Variants in OPCML observed in about 807,000 individuals in gnomAD.
OPCML encodes opioid binding protein/cell adhesion molecule like.
In OPCML, 13 loss-of-function variants were observed where a neutral mutation model predicts 37.8. The ratio of observed to expected loss-of-function variants is 0.34; its 90% CI spans 0.22 to 0.55. OPCML has a LOEUF of 0.55. Among genes scored for constraint, OPCML ranks in the 20% least tolerant of loss-of-function variants. The pLI is 0.91. For synonymous variants in OPCML, 176 were observed against 168.8 expected, an observed-to-expected ratio of 1.04 and a Z score of -0.33; for missense variants, 341 against 435.6, an observed-to-expected ratio of 0.78 and a Z score of 1.93.
chr11:132,428,119 T>C (rs1359828521), intron 7 of OPCML, among the ~76,000 whole-genome samples: 1 of 152,198 alleles, frequency 6.6e-6, no homozygotes, highest in Non-Finnish European at 1.5e-5. Flanking sequence ...AGAATTGGAA[T>C]ATGTGGTATA....
chr11:133,528,274 C>T (rs769717293), intron 1 of OPCML, among the ~76,000 whole-genome samples: 2 of 152,206 alleles, frequency 1.3e-5, no homozygotes, highest in African/African-American at 2.4e-5. Context: ...ATGCAGATGA[C>T]GCAGTCTAAC....
chr11:133,099,811 A>G (rs1329953873), intron 1 of OPCML, among the ~76,000 whole-genome samples: 2 of 152,070 alleles, frequency 1.3e-5, no homozygotes, highest in East Asian at 1.9e-4. Context: ...TAGATTCTGG[A>G]TATCAGCCCT....
intron 3 of OPCML, among the ~76,000 whole-genome samples, chr11:132,548,920 C>G (rs1241449755): frequency 6.6e-6 from 1 of 152,124 alleles, no homozygotes; most frequent in African/African-American, 2.4e-5. Context: ...TACAAAGAGA[C>G]AATATTATCC....
At position 133,172,517 on chromosome 11, in the gene OPCML, G is replaced by A. The variant is rs775384602; in HGVS notation, c.62-229507C>T. Among the ~76,000 whole-genome samples the A allele has an allele frequency of 2.5e-4, 38 of 152,250 alleles. 1 individual carries two copies. Among genetic ancestry groups the A allele is most frequent in the Admixed American group, 2.3e-3 (35 of 15,294 alleles). On this transcript the variant is annotated intron_variant, in intron 1 of 7. Transcript: ENST00000524381. ...GGCCCAGAGAGAGGGAGAATCAGGC[G>A]TGGTAGTGAAAGTGAAAGAGCTCAG... is the stretch of plus-strand genomic sequence containing the variant.
At chr11:133,020,871 G>C (rs1947438313) in intron 1 of OPCML, among the ~76,000 whole-genome samples, 1 of 151,930 alleles carries the variant, frequency 6.6e-6, no homozygotes. Context: ...ATGTTTTTTG[G>C]AAAATCTTAC....
chr11:133,334,550 C>T (rs1943699430), intron 1 of OPCML, among the ~76,000 whole-genome samples: 1 of 152,140 alleles, frequency 6.6e-6, no homozygotes, highest in African/African-American at 2.4e-5. Flanking sequence ...GGGTACTGAG[C>T]TTAACACCTG....
rs1308543616 is a variant in OPCML, at chr11:133,312,156, A to T, written c.61+220108T>A. 3.3e-5 allele frequency among the ~76,000 whole-genome samples: 5 copies of T among 152,370 alleles called. No homozygotes were observed. The East Asian group carries it at 9.6e-4, about 29-fold the overall frequency. ...CATCTGCTGAATACTTTTCCTCTGT[A>T]GAGATTGAGAATTCATTTATATCCG... On this transcript the variant is annotated intron_variant, in intron 1 of 7. Coordinates refer to ENST00000524381, the MANE Select transcript of OPCML (RefSeq NM_001012393.5).
intron 1 of OPCML, among the ~76,000 whole-genome samples, chr11:133,322,013 C>A (rs1592199855): frequency 6.6e-6 from 1 of 152,186 alleles, no homozygotes; most frequent in African/African-American, 2.4e-5. Context: ...ACACGCAACA[C>A]ATGCGGTTTC....
chr11:133,170,574 G>C (rs973337475), intron 1 of OPCML, among the ~76,000 whole-genome samples: 1 of 151,990 alleles, frequency 6.6e-6, no homozygotes, highest in Non-Finnish European at 1.5e-5. Context: ...CCAGTTGTGA[G>C]TGGGGGTTAG....
chr11:133,146,564 C>T (rs1031735798), intron 1 of OPCML, among the ~76,000 whole-genome samples: 15 of 152,262 alleles, frequency 9.9e-5, no homozygotes, highest in Middle Eastern at 3.4e-3. Flanking sequence ...TTGCCCGCCT[C>T]GGCCTCCCAA....
At chr11:132,993,556 TC>T (rs1946821922) in intron 1 of OPCML, among the ~76,000 whole-genome samples, 1 of 152,324 alleles carries the variant, frequency 6.6e-6, no homozygotes, top group South Asian at 2.1e-4. Flanking sequence ...CATTTCATTT[TC>T]TTCATGCCCT....
intron 1 of OPCML, among the ~76,000 whole-genome samples, chr11:133,466,843 G>T (rs1713488272): frequency 6.6e-6 from 1 of 152,126 alleles, no homozygotes; most frequent in African/African-American, 2.4e-5. Flanking sequence ...CGGTATCAAG[G>T]CTCCCAAAGG....
rs528062273 is a variant in OPCML, at chr11:133,083,082, C to G, written c.62-140072G>C. 3.3e-3 allele frequency among the ~76,000 whole-genome samples: 498 copies of G among 152,150 alleles called. 3 individuals carry two copies. Among genetic ancestry groups the G allele is most frequent in the African/African-American group, 0.011 (463 of 41,564 alleles). ...CAGGGCACCCGCCCGGAAACACCGC[C>G]TGCGCCCCGACGGCACCCGTGTGCG... On this transcript the variant is annotated intron_variant, in intron 1 of 7. Coordinates refer to ENST00000524381, the MANE Select transcript of OPCML (RefSeq NM_001012393.5).
chr11:133,472,592 C>A (rs1275787712), intron 1 of OPCML, among the ~76,000 whole-genome samples: 2 of 151,794 alleles, frequency 1.3e-5, no homozygotes, highest in African/African-American at 4.8e-5. Context: ...GGCCACATCA[C>A]CTGGGCTCAA....
intron 2 of OPCML, among the ~76,000 whole-genome samples, chr11:132,758,075 T>G (rs1472390039): frequency 6.6e-6 from 1 of 152,210 alleles, no homozygotes; most frequent in African/African-American, 2.4e-5. Flanking sequence ...CCATTGCTTG[T>G]TTTTGTCAGG....
At chr11:132,864,204 C>A (rs1321655030) in intron 2 of OPCML, among the ~76,000 whole-genome samples, 6 of 152,186 alleles carry the variant, frequency 3.9e-5, no homozygotes, top group Non-Finnish European at 5.9e-5. Flanking sequence ...TCTCATAGTG[C>A]TGGGATTGCA....
intron 1 of OPCML, among the ~76,000 whole-genome samples, chr11:133,075,398 G>C (rs1258785502): frequency 6.6e-6 from 1 of 152,224 alleles, no homozygotes; most frequent in Non-Finnish European, 1.5e-5. Context: ...AGGTGCTGCA[G>C]CAGGAGAATC....
At chr11:132,826,871 CT>C (rs1278137243) in intron 2 of OPCML, among the ~76,000 whole-genome samples, 1 of 152,130 alleles carries the variant, frequency 6.6e-6, no homozygotes, top group African/African-American at 2.4e-5. Flanking sequence ...TATCTGAATA[CT>C]TTTAGTGTCC....
chr11:132,868,329 G>A (rs1349385779), intron 2 of OPCML, among the ~76,000 whole-genome samples: 1 of 136,516 alleles, frequency 7.3e-6, no homozygotes, highest in Non-Finnish European at 1.6e-5. Context: ...TTTTTACAAA[G>A]GGGATATATT....
Sources: gnomAD v4.1 joint callset for allele counts (sites outside exome capture counted in the v4.1 genomes callset) on GRCh38, gnomAD v4.1.1 for gene constraint, MANE v1.5 for transcripts, NCBI Gene and HGNC (gene_info 2026-07-23, HGNC 2026-07-21) for gene names.